KCNAB1: variants seen among roughly 807,000 people sequenced by gnomAD.
KCNAB1 encodes voltage-gated potassium channel subunit beta-1.
A neutral mutation model predicts 64.6 loss-of-function variants in KCNAB1; 35 were observed. The observed-to-expected ratio is 0.54, with a 90% CI of 0.41 to 0.72. KCNAB1 has a LOEUF of 0.72. KCNAB1 is among the 30% of genes least tolerant of loss of function. The pLI, the probability that KCNAB1 is intolerant of heterozygous loss-of-function variation, is 0.00. For synonymous variants in KCNAB1, 177 were observed against 183.8 expected (o/e 0.96, Z 0.30); for missense variants, 401 against 512.9 (o/e 0.78, Z 2.11).
At chr3:156,163,447 C>G (rs1716198341) in intron 1 of KCNAB1, among the ~76,000 whole-genome samples, 1 of 152,142 alleles carries the variant, frequency 6.6e-6, no homozygotes, top group African/African-American at 2.4e-5. Flanking sequence ...CAATGTCAAC[C>G]TCATGGTGAA....
At chr3:156,386,765 A>G (rs1712625801) in intron 1 of KCNAB1, among the ~76,000 whole-genome samples, 1 of 152,130 alleles carries the variant, frequency 6.6e-6, no homozygotes, top group Non-Finnish European at 1.5e-5. Context: ...AAATCTACCA[A>G]TTTCTTTACC....
intron 1 of KCNAB1, chr3:156,291,931 A>G: frequency 6.2e-7 from 1 of 1,614,156 alleles, no homozygotes; most frequent in Non-Finnish European, 8.5e-7. Flanking sequence ...TAGCCTGCAC[A>G]GAGCACAATT....
At chr3:156,292,626 T>G (rs1016937816) in intron 1 of KCNAB1, among the ~76,000 whole-genome samples, 1 of 152,064 alleles carries the variant, frequency 6.6e-6, no homozygotes, top group African/African-American at 2.4e-5. Flanking sequence ...GCCTGGGAAA[T>G]AGCCTCCTGG....
At chr3:156,141,029 T>C (rs1176127043) in intron 1 of KCNAB1, among the ~76,000 whole-genome samples, 2 of 151,538 alleles carry the variant, frequency 1.3e-5, no homozygotes, top group Non-Finnish European at 2.9e-5. Flanking sequence ...AATCATGTGG[T>C]GGAAAAACCC....
At chr3:156,166,663 A>ATTTGCTAGCTGTTTGCAAACATTCTC (rs1348546661) in intron 1 of KCNAB1, among the ~76,000 whole-genome samples, 1 of 152,028 alleles carries the variant, frequency 6.6e-6, no homozygotes, top group African/African-American at 2.4e-5. Flanking sequence ...TCCAGATTTC[A>ATTTGCTAGCTGTTTGCAAACATTCTC]TTTGCTAGCT....
At chr3:156,505,008 G>A (rs1271112997) in intron 8 of KCNAB1, among the ~76,000 whole-genome samples, 1 of 151,730 alleles carries the variant, frequency 6.6e-6, no homozygotes, top group African/African-American at 2.4e-5. Context: ...CATTTCCCCT[G>A]TTTTCTTCTA....
intron 1 of KCNAB1, among the ~76,000 whole-genome samples, chr3:156,220,965 A>T (rs1484372219): frequency 1.3e-5 from 2 of 152,188 alleles, no homozygotes; most frequent in African/African-American, 2.4e-5. Flanking sequence ...ACCATTTATT[A>T]AATAGGGAAT....
chr3:156,537,365 T>C lies in KCNAB1; in HGVS notation c.*618T>C, dbSNP rs568896444. On this transcript the variant is annotated 3_prime_UTR_variant, in exon 14 of 14. Coordinates refer to ENST00000490337, the MANE Select transcript of KCNAB1 (RefSeq NM_172160.3). ...AAGTTTTGTTCCATTTGTTATTCAA[T>C]AAAACAAAAATTTCTAGGTATTTGC... The C allele has an allele frequency of 3.9e-6, 1 of 254,874 alleles. No homozygotes were observed. The highest frequency in any genetic ancestry group is 7.3e-6 in the Non-Finnish European group (1 of 136,800). 15.8% of individuals were successfully genotyped at this position (254,874 alleles called of 1,614,324 possible). A position where few individuals can be genotyped will look rare whatever the true frequency, so the allele number is the denominator to read the frequency against.
chr3:156,451,242 C>T (rs956232002), intron 2 of KCNAB1, among the ~76,000 whole-genome samples: 16 of 152,208 alleles, frequency 1.1e-4, no homozygotes, highest in East Asian at 5.8e-4. Flanking sequence ...CAAAACAAGG[C>T]GCCCTGTGGG....
intron 1 of KCNAB1, chr3:156,176,774 C>T: frequency 1.1e-6 from 1 of 884,898 alleles, no homozygotes; most frequent in East Asian, 2.4e-5. Flanking sequence ...GTCCTGCTTG[C>T]AGCAAAGCTC....
At chr3:156,395,544 CAAAAAAAAAAAAAAAAAAAAAAAAAAAA>C (rs61017269) in intron 1 of KCNAB1, among the ~76,000 whole-genome samples, 3 of 25,446 alleles carry the variant, frequency 1.2e-4, no homozygotes, top group Admixed American at 9.2e-4. Flanking sequence ...GACTCCGTCT[CAAAAAAAAAAAAAAAAAAAAAAAAAAAA>C]AAAAAAAAAA....
intron 2 of KCNAB1, among the ~76,000 whole-genome samples, chr3:156,449,865 T>A (rs1711866969): frequency 6.6e-6 from 1 of 152,092 alleles, no homozygotes; most frequent in African/African-American, 2.4e-5. Flanking sequence ...AGAAAAATAG[T>A]CAAAAAATAT....
intron 2 of KCNAB1, among the ~76,000 whole-genome samples, chr3:156,443,739 TACACACACACAC>T (rs71141708): frequency 0.072 from 10,197 of 141,818 alleles, 406 homozygotes; most frequent in South Asian, 0.097. Context: ...ATTTAGTCCT[TACACACACACAC>T]ACACACACAC....
chr3:156,119,940 T>C (rs947688309), upstream of KCNAB1, among the ~76,000 whole-genome samples: 1 of 152,200 alleles, frequency 6.6e-6, no homozygotes, highest in African/African-American at 2.4e-5. Flanking sequence ...ATGATTCTCA[T>C]GGCTTCTATT....
At position 156,122,450 on chromosome 3, in the gene KCNAB1, A is replaced by G. The variant is rs538855417; in HGVS notation, c.275+1564A>G. On this transcript the variant is annotated intron_variant, in intron 1 of 13. Coordinates refer to ENST00000490337, the MANE Select transcript of KCNAB1 (RefSeq NM_172160.3). ...TTATCTGACATTGGAACAACATTGA[A>G]CAAGTCAGAGTGGCATATTAGTTAA... Among the ~76,000 whole-genome samples the G allele has an allele frequency of 6.4e-4, 97 of 152,326 alleles. 2 individuals are homozygous for G. Among genetic ancestry groups the G allele is most frequent in the African/African-American group, 2.2e-3 (92 of 41,580 alleles).
At chr3:156,278,175 T>TAC (rs1473740480) in intron 1 of KCNAB1, among the ~76,000 whole-genome samples, 1 of 152,154 alleles carries the variant, frequency 6.6e-6, no homozygotes, top group African/African-American at 2.4e-5. Context: ...TGTTATGAGA[T>TAC]AAAGAGACAT....
intron 1 of KCNAB1, among the ~76,000 whole-genome samples, chr3:156,358,135 A>G (rs1725381598): frequency 6.6e-6 from 1 of 152,242 alleles, no homozygotes; most frequent in Non-Finnish European, 1.5e-5. Context: ...TTAGAAGCAC[A>G]GGTTTACATC....
chr3:156,493,177 C>T (rs76200902), intron 8 of KCNAB1, among the ~76,000 whole-genome samples: 1,684 of 152,096 alleles, frequency 0.011, 22 homozygotes, highest in African/African-American at 0.038. Flanking sequence ...GATGCCAACC[C>T]GTCTCTCACC....
At chr3:156,221,780 C>G (rs1343223578) in intron 1 of KCNAB1, among the ~76,000 whole-genome samples, 4 of 147,576 alleles carry the variant, frequency 2.7e-5, no homozygotes, top group Admixed American at 6.8e-5. Flanking sequence ...CTCCATCCCC[C>G]CCCGCCAAAA....
Sources: allele counts gnomAD v4.1 joint callset (sites outside exome capture counted in the v4.1 genomes callset), GRCh38; gene constraint gnomAD v4.1.1; transcripts MANE v1.5; gene names NCBI Gene and HGNC (gene_info 2026-07-23, HGNC 2026-07-21).